The following PLEKHA7 variants were observed in gnomAD, a reference collection of about 807,000 sequenced individuals.
PLEKHA7 encodes the protein pleckstrin homology domain containing A7, also known as pleckstrin homology domain-containing family A member 7.
Under a neutral mutation model 170.0 loss-of-function variants are expected in PLEKHA7, and 104 were observed. The ratio of observed to expected loss-of-function variants is 0.61; its 90% CI spans 0.52 to 0.72. The LOEUF (loss-of-function observed/expected upper bound fraction) is 0.72, where lower values mean the gene tolerates loss of function less well. Among genes scored for constraint, PLEKHA7 ranks in the 30% least tolerant of loss-of-function variants. PLEKHA7 has a pLI of 0.00. For synonymous variants in PLEKHA7, 648 were observed against 660.8 expected (o/e 0.98, Z 0.30); for missense variants, 1,615 against 1,671.7 (o/e 0.97, Z 0.59).
chr11:17,013,763 C>T (rs1021339513), intron 3 of PLEKHA7, among the ~76,000 whole-genome samples: 3 of 152,218 alleles, frequency 2.0e-5, no homozygotes, highest in Non-Finnish European at 4.4e-5. Context: ...TCTGCGGCCT[C>T]TTCCCCCCCG....
At chr11:16,786,898 T>C (rs1849436375) in intron 23 of PLEKHA7, 1 of 985,372 alleles carries the variant, frequency 1.0e-6, no homozygotes. Flanking sequence ...GCACTTACAG[T>C]AGGGCTGGGG....
chr11:16,915,277 T>G (rs962745844), intron 3 of PLEKHA7, among the ~76,000 whole-genome samples: 1 of 152,214 alleles, frequency 6.6e-6, no homozygotes, highest in Admixed American at 6.5e-5. Context: ...GGTAAGTAGG[T>G]TGACCTGCTC....
chr11:16,831,967 T>C (rs1039511352), intron 9 of PLEKHA7, among the ~76,000 whole-genome samples: 2 of 152,218 alleles, frequency 1.3e-5, no homozygotes, highest in Admixed American at 1.3e-4. Flanking sequence ...AGGATGATCA[T>C]ATAACATAGC....
intron 9 of PLEKHA7, among the ~76,000 whole-genome samples, chr11:16,834,792 C>T (rs1271469732): frequency 2.0e-5 from 3 of 152,066 alleles, no homozygotes; most frequent in Admixed American, 6.5e-5. Context: ...CCAGAGTCCA[C>T]AGCATGGCCA....
intron 3 of PLEKHA7, among the ~76,000 whole-genome samples, chr11:16,949,958 T>G (rs1370642858): frequency 6.6e-6 from 1 of 151,540 alleles, no homozygotes; most frequent in East Asian, 2.0e-4. Context: ...GGCATGGGAA[T>G]TAGGCCTGTC....
rs1216219341 is a variant in PLEKHA7, at chr11:16,831,333, A to AC, written c.873-4744dup. Among the ~76,000 whole-genome samples the AC allele has an allele frequency of 2.0e-5, 3 of 152,192 alleles. No homozygotes were observed. In the East Asian group the frequency reaches 5.8e-4, roughly 29 times the overall value. The stretch of plus-strand genomic sequence containing the variant: ...GTCTCCTTGCATTCCCAACAACTTA[A>AC]CACATGACCTCTCAAATTTGTGACA... On this transcript the variant is annotated intron_variant, in intron 9 of 26. Transcript: ENST00000531066.
At chr11:17,014,246 G>GGGTGCCCGCCC in intron 1 of PLEKHA7, 45 bp from the exon 2 acceptor site, 1 of 1,416,708 alleles carries the variant, frequency 7.1e-7, no homozygotes, top group South Asian at 1.6e-5. Context: ...ACAGCCCGCC[G>GGGTGCCCGCCC]GGTGCCCGCC....
intron 8 of PLEKHA7, among the ~76,000 whole-genome samples, chr11:16,843,809 T>G (rs142197136): frequency 5.4e-4 from 82 of 152,240 alleles, no homozygotes; most frequent in African/African-American, 1.4e-3. Context: ...TGGTGGCACA[T>G]GCCTGTAATC....
At chr11:16,866,020 G>A (rs1031464761) in intron 4 of PLEKHA7, among the ~76,000 whole-genome samples, 1 of 151,542 alleles carries the variant, frequency 6.6e-6, no homozygotes, top group Non-Finnish European at 1.5e-5. Flanking sequence ...TGTATTTTTA[G>A]TAGAGATGGG....
intron 3 of PLEKHA7, among the ~76,000 whole-genome samples, chr11:16,904,475 A>G (rs1232609371): frequency 6.6e-6 from 1 of 152,232 alleles, no homozygotes; most frequent in Non-Finnish European, 1.5e-5. Context: ...AGCTTAACAG[A>G]TCTTTGTGTT....
At chr11:16,971,195 C>A (rs912418345) in intron 3 of PLEKHA7, among the ~76,000 whole-genome samples, 3 of 152,156 alleles carry the variant, frequency 2.0e-5, no homozygotes, top group African/African-American at 7.2e-5. Context: ...TTACACAAGT[C>A]AATTTCTTCA....
intron 19 of PLEKHA7, among the ~76,000 whole-genome samples, chr11:16,792,716 T>G (rs1368345994): frequency 6.6e-6 from 1 of 152,226 alleles, no homozygotes; most frequent in African/African-American, 2.4e-5. Flanking sequence ...TTTGTTAAAT[T>G]ATATAATCCT....
chr11:16,903,335 A>C (rs1234847596), intron 3 of PLEKHA7, among the ~76,000 whole-genome samples: 2 of 152,166 alleles, frequency 1.3e-5, no homozygotes, highest in Middle Eastern at 3.2e-3. Flanking sequence ...ACATTAATGA[A>C]TGGAATGAAT....
At chr11:16,834,623 T>A (rs1851366265) in intron 9 of PLEKHA7, among the ~76,000 whole-genome samples, 1 of 152,200 alleles carries the variant, frequency 6.6e-6, no homozygotes, top group African/African-American at 2.4e-5. Context: ...CCTGCCTGAG[T>A]CACTTCTCAG....
chr11:17,004,239 T>A (rs1157884854), intron 3 of PLEKHA7, among the ~76,000 whole-genome samples: 1 of 152,158 alleles, frequency 6.6e-6, no homozygotes, highest in Non-Finnish European at 1.5e-5. Flanking sequence ...GCATCCAGTC[T>A]CCTAGGTGAG....
chr11:16,791,411 G>T lies in PLEKHA7; in HGVS notation c.2746-212C>A. The T allele has an allele frequency of 1.6e-6, 1 of 621,330 alleles. No individual in the cohort carries two copies. The highest frequency in any genetic ancestry group is 2.8e-5 in the East Asian group (1 of 36,242). 38.5% of individuals were successfully genotyped at this position (621,330 alleles called of 1,614,324 possible). A position where few individuals can be genotyped will look rare whatever the true frequency, so the allele number is the denominator to read the frequency against. ...TCCTCTATCCCCTCAGAGGTATACA[G>T]TTTCTATTCCTCCAAGTGTTACCTG... On this transcript the variant is annotated intron_variant, in intron 19 of 26. Transcript: ENST00000531066. This position sits in a 1 kb window ranked among gnomAD's most constrained non-coding sequence, Gnocchi z 4.5.
chr11:16,887,295 A>G (rs1856188442), intron 3 of PLEKHA7, among the ~76,000 whole-genome samples: 1 of 117,930 alleles, frequency 8.5e-6, no homozygotes, highest in South Asian at 2.4e-4. Context: ...AAAAATATAA[A>G]CCTCAACCTC....
intron 12 of PLEKHA7, among the ~76,000 whole-genome samples, chr11:16,814,347 C>G (rs1311140708): frequency 6.6e-6 from 1 of 152,212 alleles, no homozygotes; most frequent in Non-Finnish European, 1.5e-5. Flanking sequence ...TCAAAACTCA[C>G]TAAAACAGAA....
intron 10 of PLEKHA7, among the ~76,000 whole-genome samples, chr11:16,820,558 G>C (rs55760503): frequency 0.22 from 32,796 of 152,122 alleles, 3,869 homozygotes; most frequent in Non-Finnish European, 0.28. Context: ...GGTGGTAGCG[G>C]TGGCAGAAAC....
Sources: gnomAD v4.1 joint callset for allele counts (sites outside exome capture counted in the v4.1 genomes callset) on GRCh38, gnomAD v4.1.1 for gene constraint, Gnocchi (gnomAD v3.1) non-coding constraint, MANE v1.5 for transcripts, NCBI Gene and HGNC (gene_info 2026-07-23, HGNC 2026-07-21) for gene names.